HECTD4: variants seen among roughly 807,000 people sequenced by gnomAD.
HECTD4 encodes the protein HECT domain E3 ubiquitin protein ligase 4, also known as probable E3 ubiquitin-protein ligase HECTD4.
HECTD4 carries 114 observed loss-of-function variants against 471.5 expected under a neutral mutation model. That is an observed-to-expected ratio of 0.24 (90% CI 0.21 to 0.28). The LOEUF is 0.28. Ranked by LOEUF, HECTD4 falls within the 10% of genes least tolerant of loss-of-function variation. The pLI is 1.00. For missense variants in HECTD4, 3,866 were observed against 5,651.5 expected (o/e 0.68, Z 10.13); for synonymous variants, 2,012 against 2,256.0 (o/e 0.89, Z 3.07).
In HECTD4 at chr12:112,179,317, G is replaced by A; in HGVS notation, c.11068C>T (p.Leu3690=). 3.1e-6 allele frequency: 5 copies of A among 1,613,424 alleles called. No homozygotes were observed. The highest frequency in any genetic ancestry group is 4.2e-6 in the Non-Finnish European group (5 of 1,179,670). ...SCAHSEQTLS[L]TPAKPIRVSD... ...ACTCTGATGGGCTTCGCTGGTGTCA[G>A]GCTCAGCGTCTGCTCTGAATGGGCA... Residue 3690 remains leucine (L), a synonymous_variant, in exon 63 of 76, where the codon CTG becomes TTG. Transcript: ENST00000682272. This position sits in a 1 kb window ranked among gnomAD's most constrained non-coding sequence, Gnocchi z 4.3.
intron 69 of HECTD4, chr12:112,170,095 C>T: frequency 1.7e-6 from 1 of 589,642 alleles, no homozygotes; most frequent in Non-Finnish European, 3.0e-6. Context: ...CAAAGCCTGC[C>T]CCACCTGACC....
In HECTD4 at chr12:112,231,596, C is replaced by A. The variant is rs1397515951; in HGVS notation, c.6117G>T (p.Glu2039Asp). Residue 2039 changes from glutamate to aspartate, a missense_variant, in exon 39 of 76, where the codon GAG becomes GAT. Around this residue, in one of 16 missense-constraint regions of HECTD4, gnomAD observed 617 missense variants for 915.1 expected, o/e 0.67. Transcript: ENST00000682272. ...IGPPVESINP[E>D]TVSGLSTGDK... ...CGCCTGTGGATAGTCCACTCACAGT[C>A]TCTGGGTTGATAGACTCTACAGGTG... is the stretch of plus-strand genomic sequence containing the variant. 5.0e-6 allele frequency: 8 copies of A among 1,613,894 alleles called. No homozygotes were observed. The Admixed American group carries it at 1.3e-4, about 27-fold the overall frequency.
In HECTD4 at chr12:112,185,197, G is replaced by A. The variant is rs1348771391; in HGVS notation, c.9769C>T (p.Leu3257Phe). ...GCCACAGCCAGGCACCCTTCCATGA[G>A]TGCATGAAAATACGTAGAGAACCTG... is the stretch of plus-strand genomic sequence containing the variant. ...QGRFSTYFHA[L>F]MEGCLAVAEV... Residue 3257 changes from leucine to phenylalanine, a missense_variant, in exon 61 of 76, where the codon CTC becomes TTC. By Grantham distance (22) the Leu-to-Phe change is conservative (BLOSUM62 0). Coordinates refer to ENST00000682272, the MANE Select transcript of HECTD4 (RefSeq NM_001388303.1). 6.4e-7 allele frequency: 1 copy of A among 1,551,508 alleles called. No individual in the cohort carries two copies. Among genetic ancestry groups the A allele is most frequent in the Admixed American group, 2.0e-5 (1 of 50,986 alleles).
At chr12:112,174,424 C>G (rs2031359156) in intron 66 of HECTD4, among the ~76,000 whole-genome samples, 1 of 149,912 alleles carries the variant, frequency 6.7e-6, no homozygotes, top group Non-Finnish European at 1.5e-5. Context: ...TACCACCACA[C>G]CTGGCTGGTA....
At chr12:112,170,853 C>T in intron 68 of HECTD4, 1 of 489,948 alleles carries the variant, frequency 2.0e-6, no homozygotes, top group Non-Finnish European at 3.6e-6. Context: ...AGATAGTAAA[C>T]AGACCTTCAT....
chr12:112,178,915 T>C lies in HECTD4; in HGVS notation c.11363+16A>G, dbSNP rs968768637. On this transcript the variant is annotated intron_variant, in intron 64 of 75. Transcript: ENST00000682272. The stretch of plus-strand genomic sequence containing the variant: ...TGCCCACAGGCTGGGCTGCCCAGGC[T>C]CCTTGGGGCACGCACCTGACGCTGT... The C allele has an allele frequency of 1.7e-5, 27 of 1,597,088 alleles. No individual in the cohort carries two copies. Among genetic ancestry groups the C allele is most frequent in the Non-Finnish European group, 2.2e-5 (26 of 1,170,466 alleles).
At chr12:112,377,584 G>A (rs2036805331) in intron 1 of HECTD4, among the ~76,000 whole-genome samples, 1 of 152,200 alleles carries the variant, frequency 6.6e-6, no homozygotes, top group South Asian at 2.1e-4. Flanking sequence ...AATTTACTGG[G>A]AAGAGGCCGG....
At chr12:112,295,734 T>C (rs1352215444) in intron 7 of HECTD4, among the ~76,000 whole-genome samples, 1 of 151,438 alleles carries the variant, frequency 6.6e-6, no homozygotes, top group East Asian at 1.9e-4. Flanking sequence ...CTTAAACTCC[T>C]GGGCTCAAGC....
In HECTD4 at chr12:112,268,796, AC is replaced by A. The variant is rs371861984; in HGVS notation, c.2321+907del. Among the ~76,000 whole-genome samples the A allele has an allele frequency of 0.05, 7,481 of 148,312 alleles. 1,064 individuals carry two copies. The East Asian group carries it at 0.59, about 12-fold the overall frequency. ...AAAAAAAGTTCACTGAACTAAAAAA[AC>A]AAACCAAAAAAAAAAAAGACTTACA... is the stretch of plus-strand genomic sequence containing the variant. On this transcript the variant is annotated intron_variant, in intron 13 of 75. Coordinates refer to ENST00000682272, the MANE Select transcript of HECTD4 (RefSeq NM_001388303.1).
chr12:112,209,391 A>G (rs2032694500), intron 50 of HECTD4, among the ~76,000 whole-genome samples: 1 of 150,020 alleles, frequency 6.7e-6, no homozygotes. Context: ...CAATGGCACG[A>G]TCTCAACTCA....
Position 112,209,485 on chromosome 12 carries a change from C to G in HECTD4, c.7867+530G>C, listed in dbSNP as rs550613107. Among the ~76,000 whole-genome samples the G allele has an allele frequency of 9.9e-5, 15 of 152,198 alleles. No homozygotes were observed. In the East Asian group the frequency reaches 2.9e-3, roughly 29 times the overall value. Reference sequence around the variant, plus strand: ...GGGATTACAGGCACACGCCACCACCCCCAGCTAATTTTGTATTTTTAGTAG... The same window carrying G: ...GGGATTACAGGCACACGCCACCACCGCCAGCTAATTTTGTATTTTTAGTAG... On this transcript the variant is annotated intron_variant, in intron 50 of 75. Coordinates refer to ENST00000682272, the MANE Select transcript of HECTD4 (RefSeq NM_001388303.1).
rs1489374568 is a variant in HECTD4, at chr12:112,309,005, T to C, written c.1026-114A>G. On this transcript the variant is annotated intron_variant, in intron 5 of 75. Coordinates refer to ENST00000682272, the MANE Select transcript of HECTD4 (RefSeq NM_001388303.1). ...CCTAATTTTAAAAAATGAGTAAGTA[T>C]GTAAAACATCTGAAGGAAAGTGAAT... The C allele has an allele frequency of 8.4e-6, 9 of 1,071,764 alleles. No homozygotes were observed. In the South Asian group the frequency reaches 8.4e-5, roughly 10 times the overall value. The allele number at this position is 1,071,764 out of a possible 1,614,324, so 66.4% of individuals were successfully genotyped here.
chr12:112,259,817 C>G (rs1281007083), intron 18 of HECTD4, among the ~76,000 whole-genome samples: 1 of 152,098 alleles, frequency 6.6e-6, no homozygotes, highest in Non-Finnish European at 1.5e-5. Context: ...TACACAGTGA[C>G]TCTAAACAGG....
chr12:112,172,821 T>C lies in HECTD4; in HGVS notation c.11635A>G (p.Arg3879Gly), dbSNP rs1400759601. ...ACGTCCATCTCCAGGGTCCACTTTC[T>C]TGAGGCCTTCTGTGCATGTCGGACA... ...IDVRHAQKAS[R>G]KWTLEMDVAL... The change falls in exon 67 of 76, where the codon AGA (arginine) becomes GGA (glycine). Residue 3879 changes from arginine to glycine, a missense_variant. Arg to Gly is a moderately radical substitution (Grantham distance 125). This residue lies in a region of HECTD4 where 715 missense variants were observed against 1,087.6 expected (regional missense o/e 0.66). Coordinates refer to ENST00000682272, the MANE Select transcript of HECTD4 (RefSeq NM_001388303.1). 1 of 1,614,008 alleles carries C rather than the reference T, an allele frequency of 6.2e-7. No individual in the cohort carries two copies. The highest frequency in any genetic ancestry group is 2.2e-5 in the East Asian group (1 of 44,880).
chr12:112,350,081 T>C (rs974745470), intron 1 of HECTD4, among the ~76,000 whole-genome samples: 4 of 152,050 alleles, frequency 2.6e-5, no homozygotes, highest in African/African-American at 7.2e-5. Context: ...CAGCCTCCCA[T>C]GTAGCTGGTC....
intron 70 of HECTD4, among the ~76,000 whole-genome samples, chr12:112,169,094 C>T (rs1017710871): frequency 1.3e-5 from 2 of 152,198 alleles, no homozygotes; most frequent in Admixed American, 6.5e-5. Context: ...CATAAGAGGT[C>T]ACAAGGGAGC....
chr12:112,173,713 T>G lies in HECTD4; in HGVS notation c.11595-852A>C, dbSNP rs2031327018. Among the ~76,000 whole-genome samples, 1 of 151,806 alleles carries G rather than the reference T, an allele frequency of 6.6e-6. No individual in the cohort carries two copies. The highest frequency in any genetic ancestry group is 1.5e-5 in the Non-Finnish European group (1 of 67,994). ...CCGGCCAATTTTTAATTTTTTTTTG[T>G]AGAGATGGGGTCTCGTTGTGTTGCC... On this transcript the variant is annotated intron_variant, in intron 66 of 75. Transcript: ENST00000682272. The surrounding 1 kb of genome is among the most constrained non-coding windows in gnomAD (Gnocchi z 4.3).
intron 1 of HECTD4, among the ~76,000 whole-genome samples, chr12:112,326,264 G>A (rs2035741336): frequency 6.6e-6 from 1 of 152,216 alleles, no homozygotes; most frequent in East Asian, 1.9e-4. Context: ...CACTTTGGGA[G>A]GTTCAGGTGA....
chr12:112,344,235 T>A (rs186199621), intron 1 of HECTD4, among the ~76,000 whole-genome samples: 1 of 152,300 alleles, frequency 6.6e-6, no homozygotes, highest in African/African-American at 2.4e-5. Flanking sequence ...TCCAAGTATT[T>A]CCAACCCTTA....
Sources: allele counts gnomAD v4.1 joint callset (sites outside exome capture counted in the v4.1 genomes callset), GRCh38; gene constraint gnomAD v4.1.1; regional missense constraint gnomAD v4.1.1; non-coding constraint Gnocchi (gnomAD v3.1); transcripts MANE v1.5; gene names NCBI Gene and HGNC (gene_info 2026-07-23, HGNC 2026-07-21).